ANKH: variants seen among roughly 807,000 people sequenced by gnomAD.
ANKH encodes the protein ANKH inorganic pyrophosphate transport regulator, also known as mineralization regulator ANKH.
ANKH carries 15 observed loss-of-function variants against 49.0 expected under a neutral mutation model. That is an observed-to-expected ratio of 0.31 (90% CI 0.20 to 0.47). The LOEUF (loss-of-function observed/expected upper bound fraction) is 0.47, where lower values mean the gene tolerates loss of function less well. Among genes scored for constraint, ANKH ranks in the 20% least tolerant of loss-of-function variants. ANKH has a pLI of 1.00. For missense variants in ANKH, 429 were observed against 652.0 expected (o/e 0.66, Z 3.72); for synonymous variants, 273 against 260.0 (o/e 1.05, Z -0.48).
At chr5:14,848,582 G>C (rs940205840) in intron 1 of ANKH, among the ~76,000 whole-genome samples, 1 of 152,128 alleles carries the variant, frequency 6.6e-6, no homozygotes, top group African/African-American at 2.4e-5. Context: ...CTCCAGATTC[G>C]GCAGGGTGTC....
At chr5:14,859,344 G>A (rs549271857) in intron 1 of ANKH, among the ~76,000 whole-genome samples, 21 of 152,100 alleles carry the variant, frequency 1.4e-4, no homozygotes, top group East Asian at 3.8e-4. Flanking sequence ...AGCATACATC[G>A]TAATTCCTTT....
chr5:14,827,573 G>A lies in ANKH; in HGVS notation c.96+43779C>T, dbSNP rs539800373. ...AAGGGATCCCCAAAGCCCCTGCTGCGGGCACATCCCATTTCCTTTGTTAAC... is the reference window on the plus strand; with the variant it reads ...AAGGGATCCCCAAAGCCCCTGCTGCAGGCACATCCCATTTCCTTTGTTAAC... On this transcript the variant is annotated intron_variant, in intron 1 of 11. Coordinates refer to ENST00000284268, the MANE Select transcript of ANKH (RefSeq NM_054027.6). Among the ~76,000 whole-genome samples, 34 of 152,300 alleles carry A rather than the reference G, an allele frequency of 2.2e-4. No homozygotes were observed. The South Asian group carries it at 6.2e-3, about 28-fold the overall frequency.
chr5:14,823,872 G>C (rs889265905), intron 1 of ANKH, among the ~76,000 whole-genome samples: 1 of 152,228 alleles, frequency 6.6e-6, no homozygotes, highest in African/African-American at 2.4e-5. Context: ...GGAGGTTGCA[G>C]TGAGTGGAGA....
intron 1 of ANKH, among the ~76,000 whole-genome samples, chr5:14,779,864 T>C (rs1374643857): frequency 6.6e-6 from 1 of 152,182 alleles, no homozygotes; most frequent in South Asian, 2.1e-4. Flanking sequence ...CACACGGACA[T>C]GAACAGAATG....
intron 8 of ANKH, among the ~76,000 whole-genome samples, chr5:14,739,182 C>T (rs1480866345): frequency 2.6e-5 from 4 of 152,084 alleles, no homozygotes; most frequent in East Asian, 1.9e-4. Context: ...TTTGGGAGGC[C>T]GAGGCGGGCA....
At chr5:14,741,187 T>C (rs968492658) in intron 8 of ANKH, 1 of 152,426 alleles carries the variant, frequency 6.6e-6, no homozygotes, top group Non-Finnish European at 1.5e-5. Flanking sequence ...TCCATGTTTT[T>C]TGAACATTAT....
At chr5:14,762,420 TTGGTTTCAGAGTACTG>T (rs113529202) in intron 2 of ANKH, among the ~76,000 whole-genome samples, 49,250 of 151,996 alleles carry the variant, frequency 0.32, 8,398 homozygotes, top group Admixed American at 0.39. Context: ...CCTAGCTCCC[TTGGTTTCAGAGTACTG>T]TGGGACCTAT....
At chr5:14,727,182 C>T (rs1029654852) in intron 8 of ANKH, among the ~76,000 whole-genome samples, 3 of 152,142 alleles carry the variant, frequency 2.0e-5, no homozygotes, top group African/African-American at 7.2e-5. Context: ...AGCTAAGGAG[C>T]TTGGAAAAGC....
In ANKH at chr5:14,855,264, C is replaced by G. The variant is rs537462577; in HGVS notation, c.96+16088G>C. Among the ~76,000 whole-genome samples, 195 of 152,320 alleles carry G rather than the reference C, an allele frequency of 1.3e-3. 1 individual carries two copies. In the South Asian group the frequency reaches 0.017, roughly 13 times the overall value. ...GAGCAAAGCCCCTGGTCTCTTCCTC[C>G]CAGCCTTGGTCCTATTTCTTGCTAA... On this transcript the variant is annotated intron_variant, in intron 1 of 11. Transcript: ENST00000284268.
At position 14,808,703 on chromosome 5, in the gene ANKH, T is replaced by C. The variant is rs575005985; in HGVS notation, c.97-39512A>G. ...GAAACAACAGGTGCTGGAGAGGATGTGGAGAAATAGGAACACTTTTACACT... is the reference window on the plus strand; with the variant it reads ...GAAACAACAGGTGCTGGAGAGGATGCGGAGAAATAGGAACACTTTTACACT... On this transcript the variant is annotated intron_variant, in intron 1 of 11. Transcript: ENST00000284268. 3.4e-3 allele frequency among the ~76,000 whole-genome samples: 515 copies of C among 149,798 alleles called. 1 individual carries two copies. Among genetic ancestry groups the C allele is most frequent in the Admixed American group, 5.7e-3 (85 of 14,956 alleles).
At chr5:14,812,292 C>T (rs1330566585) in intron 1 of ANKH, among the ~76,000 whole-genome samples, 1 of 151,814 alleles carries the variant, frequency 6.6e-6, no homozygotes, top group Non-Finnish European at 1.5e-5. Context: ...AAGTTTGGAG[C>T]AGATGTGTCT....
chr5:14,819,981 C>G (rs151283749), intron 1 of ANKH, among the ~76,000 whole-genome samples: 1 of 151,422 alleles, frequency 6.6e-6, no homozygotes, highest in Non-Finnish European at 1.5e-5. Context: ...CATTATATAA[C>G]GCCAATGGGA....
intron 1 of ANKH, among the ~76,000 whole-genome samples, chr5:14,778,241 C>G (rs1181913767): frequency 6.6e-6 from 1 of 152,222 alleles, no homozygotes; most frequent in South Asian, 2.1e-4. Context: ...TCTCTGCTCT[C>G]CTGTAAACTC....
intron 6 of ANKH, 92 bp from the exon 7 acceptor site, chr5:14,746,054 C>T (rs1179837591): frequency 8.0e-6 from 8 of 999,864 alleles, no homozygotes; most frequent in African/African-American, 1.6e-5. Flanking sequence ...GACTCAGGTG[C>T]AGCCACTGAG....
At chr5:14,716,092 T>G (rs1236405929) in intron 9 of ANKH, among the ~76,000 whole-genome samples, 1 of 152,276 alleles carries the variant, frequency 6.6e-6, no homozygotes, top group Non-Finnish European at 1.5e-5. Flanking sequence ...TGAACACATT[T>G]GTGTTCCCAC....
chr5:14,815,012 G>A (rs150912127), intron 1 of ANKH, among the ~76,000 whole-genome samples: 246 of 152,310 alleles, frequency 1.6e-3, no homozygotes, highest in African/African-American at 5.7e-3. Flanking sequence ...GAGGAATCCT[G>A]AGCCTTGAAG....
In ANKH at chr5:14,755,772, G is replaced by A. The variant is rs1488861720; in HGVS notation, c.516+89C>T. On this transcript the variant is annotated intron_variant, in intron 4 of 11. Transcript: ENST00000284268. ...AACCAGGTCGAATGCAGAGTGTACT[G>A]CACAGTGAATGAATATAAATCACAC... 10 of 1,233,520 alleles carry A rather than the reference G, an allele frequency of 8.1e-6. No individual in the cohort carries two copies. In the East Asian group the frequency reaches 1.9e-4, roughly 23 times the overall value. The allele number at this position is 1,233,520 out of a possible 1,614,324, so 76.4% of individuals were successfully genotyped here. A position where few individuals can be genotyped will look rare whatever the true frequency, so the allele number is the denominator to read the frequency against.
At position 14,713,810 on chromosome 5, in the gene ANKH, TC is replaced by T. The variant is rs1321390391; in HGVS notation, c.1142-144del. On this transcript the variant is annotated intron_variant, in intron 9 of 11. Transcript: ENST00000284268. This position sits in a 1 kb window ranked among gnomAD's most constrained non-coding sequence, Gnocchi z 4.4. ...TGTTGAGCCGCTGGCCACCTCATCT[TC>T]CTGCCAGGGTTCCCCATCCCTGCTC... 2.3e-5 allele frequency: 28 copies of T among 1,221,986 alleles called. No individual in the cohort carries two copies. The highest frequency in any genetic ancestry group is 3.3e-5 in the Non-Finnish European group (28 of 843,612). The allele number at this position is 1,221,986 out of a possible 1,614,324, so 75.7% of individuals were successfully genotyped here.
chr5:14,706,606 A>G lies in ANKH; in HGVS notation c.*4591T>C, dbSNP rs2126375402. 1 of 152,310 alleles carries G rather than the reference A, an allele frequency of 6.6e-6. No individual in the cohort carries two copies. Among genetic ancestry groups the G allele is most frequent in the East Asian group, 1.9e-4 (1 of 5,182 alleles). The allele number at this position is 152,310 out of a possible 1,614,324, so 9.4% of individuals were successfully genotyped here. On this transcript the variant is annotated 3_prime_UTR_variant, in exon 12 of 12. Transcript: ENST00000284268. The stretch of plus-strand genomic sequence containing the variant: ...GAGTTTGGGTTATTTTGATTCCACA[A>G]TGCAATTTCTCTCATTTTGAACATT...
Sources: gnomAD v4.1 joint callset for allele counts (sites outside exome capture counted in the v4.1 genomes callset) on GRCh38, gnomAD v4.1.1 for gene constraint, Gnocchi (gnomAD v3.1) non-coding constraint, MANE v1.5 for transcripts, NCBI Gene and HGNC (gene_info 2026-07-23, HGNC 2026-07-21) for gene names.